Variants in MREG observed in about 807,000 individuals in gnomAD.
The protein encoded by MREG is dilute suppressor protein homolog.
MREG carries 31 observed loss-of-function variants against 28.5 expected under a neutral mutation model. That is an observed-to-expected ratio of 1.09 (90% confidence interval 0.82 to 1.47). MREG has a LOEUF of 1.47. Among genes scored for constraint, MREG ranks in the 40% most tolerant of loss-of-function variants. The pLI is 0.00. For missense variants in MREG, 256 were observed against 257.4 expected, an observed-to-expected ratio of 0.99 and a Z score of 0.04; for synonymous variants, 106 against 95.2, an observed-to-expected ratio of 1.11 and a Z score of -0.66.
At chr2:216,021,363 C>T (rs1034655288) in intron 1 of MREG, among the ~76,000 whole-genome samples, 68 of 152,302 alleles carry the variant, frequency 4.5e-4, no homozygotes, top group African/African-American at 1.6e-3. Context: ...GCTGGGATTA[C>T]AGGCGTGAGC....
chr2:215,965,200 G>A (rs1180344616), intron 2 of MREG, among the ~76,000 whole-genome samples: 7 of 152,170 alleles, frequency 4.6e-5, no homozygotes, highest in Admixed American at 4.6e-4. Flanking sequence ...CAACTCACAG[G>A]CCATAACTCA....
chr2:215,952,805 C>A (rs1692523332), intron 2 of MREG, among the ~76,000 whole-genome samples: 1 of 152,108 alleles, frequency 6.6e-6, no homozygotes, highest in East Asian at 1.9e-4. Context: ...TCAGAGATAG[C>A]TATTGTTGAA....
intron 3 of MREG, among the ~76,000 whole-genome samples, chr2:215,946,113 A>G (rs139246667): frequency 2.0e-5 from 3 of 152,042 alleles, no homozygotes; most frequent in African/African-American, 2.4e-5. Context: ...GGTTCCCTCC[A>G]GGCTGTCCTT....
chr2:215,984,914 T>C (rs1199563152), intron 2 of MREG, among the ~76,000 whole-genome samples: 1 of 152,234 alleles, frequency 6.6e-6, no homozygotes, highest in Non-Finnish European at 1.5e-5. Flanking sequence ...AGACTTTGCT[T>C]ATACATTTTG....
chr2:215,943,460 G>A lies in MREG; in HGVS notation c.*1403C>T. 2.2e-6 allele frequency: 1 copy of A among 456,728 alleles called. No homozygotes were observed. Among genetic ancestry groups the A allele is most frequent in the Non-Finnish European group, 4.4e-6 (1 of 226,964 alleles). 28.3% of individuals were successfully genotyped at this position (456,728 alleles called of 1,614,324 possible). A position where few individuals can be genotyped will look rare whatever the true frequency, so the allele number is the denominator to read the frequency against. The stretch of plus-strand genomic sequence containing the variant: ...GAGAGGTCCCCCCACAGGTGCAGCT[G>A]CCAGCCAACGAATCAGAAACAGATG... On this transcript the variant is annotated 3_prime_UTR_variant, in exon 5 of 5. Coordinates refer to ENST00000263268, the MANE Select transcript of MREG (RefSeq NM_018000.3).
intron 2 of MREG, among the ~76,000 whole-genome samples, chr2:215,948,045 A>G (rs557102982): frequency 1.1e-4 from 17 of 152,310 alleles, no homozygotes; most frequent in Non-Finnish European, 2.1e-4. Flanking sequence ...GCACAGCCCA[A>G]AAGAACATCA....
intron 2 of MREG, among the ~76,000 whole-genome samples, chr2:215,958,563 C>A (rs1162271233): frequency 1.6e-4 from 24 of 152,216 alleles, no homozygotes; most frequent in Admixed American, 6.5e-5. Context: ...AACTCCTTGA[C>A]CTCCTCAAGC....
intron 1 of MREG, among the ~76,000 whole-genome samples, chr2:216,030,887 G>A (rs1461231527): frequency 1.3e-5 from 2 of 148,600 alleles, no homozygotes; most frequent in Non-Finnish European, 3.0e-5. Context: ...AATTTATTTC[G>A]GCATTCCAAT....
At position 216,013,218 on chromosome 2, in the gene MREG, G is replaced by C. The variant is rs778187008; in HGVS notation, c.95+15C>G. ...CCCAGGTAAGCCCAGATCCCGGCCCGGGCGGCGCACCCACCTGACGAGGGG... is the reference window on the plus strand; with the variant it reads ...CCCAGGTAAGCCCAGATCCCGGCCCCGGCGGCGCACCCACCTGACGAGGGG... On this transcript the variant is annotated intron_variant, in intron 1 of 4. Transcript: ENST00000263268. 3.1e-4 allele frequency: 475 copies of C among 1,547,762 alleles called. No homozygotes were observed. Among genetic ancestry groups the C allele is most frequent in the Non-Finnish European group, 3.7e-4 (424 of 1,146,074 alleles).
In MREG at chr2:215,947,082, G is replaced by T; in HGVS notation, c.287C>A (p.Thr96Asn). 6.2e-7 allele frequency: 1 copy of T among 1,612,948 alleles called. No homozygotes were observed. The highest frequency in any genetic ancestry group is 8.5e-7 in the Non-Finnish European group (1 of 1,179,168). ...EWQKLNYDIH[T>N]LRQVRREVRN... Reference sequence around the variant, plus strand: ...TACTTCCCTTCGAACCTGCCGCAGGGTATGGATATCATAGTTGAGCTTCTG... The same window carrying T: ...TACTTCCCTTCGAACCTGCCGCAGGTTATGGATATCATAGTTGAGCTTCTG... Residue 96 changes from threonine (T) to asparagine (N), a missense_variant, in exon 3 of 5, where the codon ACC (threonine) becomes AAC (asparagine). By Grantham distance (65) the Thr-to-Asn change is moderately conservative. Transcript: ENST00000263268.
intron 2 of MREG, among the ~76,000 whole-genome samples, chr2:215,959,499 T>C (rs935326841): frequency 6.6e-6 from 1 of 152,228 alleles, no homozygotes; most frequent in Non-Finnish European, 1.5e-5. Flanking sequence ...CCTGAATGCC[T>C]GCAGAAACTT....
At chr2:215,945,215 C>T (rs374665395) in intron 4 of MREG, among the ~76,000 whole-genome samples, 1 of 152,180 alleles carries the variant, frequency 6.6e-6, no homozygotes, top group African/African-American at 2.4e-5. Context: ...CGTCCTTTCT[C>T]CTTTCAGATT....
intron 1 of MREG, among the ~76,000 whole-genome samples, chr2:215,997,037 T>C (rs905119272): frequency 4.6e-5 from 7 of 152,186 alleles, no homozygotes; most frequent in Non-Finnish European, 8.8e-5. Flanking sequence ...CACCTTGGCC[T>C]CCCGAAGTGC....
intron 2 of MREG, among the ~76,000 whole-genome samples, chr2:215,995,700 CTT>C (rs775714056): frequency 1.6e-4 from 24 of 152,248 alleles, no homozygotes; most frequent in African/African-American, 2.4e-4. Context: ...GTATGATTGT[CTT>C]TGCTGTTGTT....
chr2:215,984,681 T>G (rs1427075510), intron 2 of MREG, among the ~76,000 whole-genome samples: 1 of 151,932 alleles, frequency 6.6e-6, no homozygotes, highest in East Asian at 1.9e-4. Flanking sequence ...CAGAGTAGAA[T>G]GAAATATTTT....
intron 1 of MREG, among the ~76,000 whole-genome samples, chr2:216,018,969 TA>T (rs1694484216): frequency 6.6e-6 from 1 of 152,218 alleles, no homozygotes; most frequent in Non-Finnish European, 1.5e-5. Context: ...ATTTGCTTCT[TA>T]ACGGCAAAGA....
rs116083878 is a variant in MREG, at chr2:215,951,317, G to C, written c.256-4204C>G. ...CTAACTCCGCTACTCCCTGGCGTTA[G>C]AGCAAGTCTTCCGATGTCCCTCTCC... is the stretch of plus-strand genomic sequence containing the variant. On this transcript the variant is annotated intron_variant, in intron 2 of 4. Transcript: ENST00000263268. Among the ~76,000 whole-genome samples the C allele has an allele frequency of 4.9e-3, 743 of 152,282 alleles. 5 individuals are homozygous for C. The highest frequency in any genetic ancestry group is 7.4e-3 in the Non-Finnish European group (506 of 68,014).
At chr2:216,010,145 A>C (rs1694259299) in intron 1 of MREG, among the ~76,000 whole-genome samples, 1 of 152,032 alleles carries the variant, frequency 6.6e-6, no homozygotes, top group Non-Finnish European at 1.5e-5. Flanking sequence ...AAAGAAAGGG[A>C]GATTTGAGAC....
At chr2:215,946,426 G>A (rs909083522) in intron 3 of MREG, among the ~76,000 whole-genome samples, 1 of 141,690 alleles carries the variant, frequency 7.1e-6, no homozygotes, top group Admixed American at 7.6e-5. Context: ...CTTCAGAACT[G>A]ATAAATTCAC....
Sources: gnomAD v4.1 joint callset for allele counts (sites outside exome capture counted in the v4.1 genomes callset) on GRCh38, gnomAD v4.1.1 for gene constraint, MANE v1.5 for transcripts, NCBI Gene and HGNC (gene_info 2026-07-23, HGNC 2026-07-21) for gene names.